The following PLPPR3 variants were observed in gnomAD, a reference collection of about 807,000 sequenced individuals.
The protein encoded by PLPPR3 is phospholipid phosphatase-related protein type 3.
A neutral mutation model predicts 27.3 loss-of-function variants in PLPPR3; 14 were observed. The observed-to-expected ratio is 0.51, with a 90% confidence interval of 0.34 to 0.80. PLPPR3 has a LOEUF of 0.80. Among genes scored for constraint, PLPPR3 ranks in the 30% least tolerant of loss-of-function variants. PLPPR3 has a pLI of 0.01. For synonymous variants in PLPPR3, 671 were observed against 508.0 expected (o/e 1.32, Z -4.32); for missense variants, 1,287 against 1,056.9 (o/e 1.22, Z -3.02).
At position 813,349 on chromosome 19, in the gene PLPPR3, C is replaced by T. The variant is rs1568283250; in HGVS notation, c.1378G>A (p.Asp460Asn). 4.7e-6 allele frequency: 7 copies of T among 1,477,532 alleles called. No homozygotes were observed. The highest frequency in any genetic ancestry group is 4.0e-5 in the South Asian group (3 of 75,436). The allele number at this position is 1,477,532 out of a possible 1,614,324, so 91.5% of individuals were successfully genotyped here. ...AGCGAGGGCGGGGCCGGGCCCTCGTCCTCCTCCTCTTCCTCCTCCTCCTCT... is the reference window on the plus strand; with the variant it reads ...AGCGAGGGCGGGGCCGGGCCCTCGTTCTCCTCCTCTTCCTCCTCCTCCTCT... ...EEEEEEEEEE[D>N]EGPAPPSLYP... Residue 460 changes from aspartate (D) to asparagine (N), a missense_variant, in exon 8 of 8, where the codon GAC (aspartate) becomes AAC (asparagine). Transcript: ENST00000520876. The surrounding 1 kb of genome is among the most constrained non-coding windows in gnomAD (Gnocchi z 4.1).
At position 814,470 on chromosome 19, in the gene PLPPR3, G is replaced by A. The variant is rs768818502; in HGVS notation, c.795C>T (p.Ala265=). The A allele has an allele frequency of 4.4e-6, 7 of 1,607,818 alleles. No individual in the cohort carries two copies. Among genetic ancestry groups the A allele is most frequent in the African/African-American group, 1.3e-5 (1 of 75,026 alleles). Residue 265 remains alanine, a synonymous_variant, in exon 7 of 8, where the codon GCC becomes GCT. Coordinates refer to ENST00000520876, the MANE Select transcript of PLPPR3 (RefSeq NM_001270366.2). ...CGATGCCCGCCCCGATGAGGAAGCCGGCATACACGTCCACAGGGTGGCTGC... is the reference window on the plus strand; with the variant it reads ...CGATGCCCGCCCCGATGAGGAAGCCAGCATACACGTCCACAGGGTGGCTGC... ...QYRSHPVDVY[A]GFLIGAGIAA...
chr19:813,883 C>A lies in PLPPR3; in HGVS notation c.844G>T (p.Val282Leu), dbSNP rs2034999867. The stretch of plus-strand genomic sequence containing the variant: ...GCAGGTGGGGCCTGGAAGTTGCCCA[C>A]CGCGTGGCAGGCCTGTCGGGGAGAG... ...GIAAYLACHA[V>L]GNFQAPPAEK... Residue 282 changes from valine to leucine, a missense_variant, in exon 8 of 8, where the codon GTG (valine) becomes TTG (leucine). Physicochemically the swap from Val to Leu is conservative, Grantham distance 32. Coordinates refer to ENST00000520876, the MANE Select transcript of PLPPR3 (RefSeq NM_001270366.2). The surrounding 1 kb of genome is among the most constrained non-coding windows in gnomAD (Gnocchi z 4.1). 1 of 1,436,362 alleles carries A rather than the reference C, an allele frequency of 7.0e-7. No individual in the cohort carries two copies. Among genetic ancestry groups the A allele is most frequent in the South Asian group, 1.5e-5 (1 of 68,572 alleles). 89.0% of individuals were successfully genotyped at this position (1,436,362 alleles called of 1,614,324 possible).
chr19:815,325 G>A lies in PLPPR3; in HGVS notation c.264C>T (p.Ile88=), dbSNP rs981530342. The change falls in exon 4 of 8, where the codon ATC becomes ATT. Residue 88 remains isoleucine, a splice_region_variant and synonymous_variant. Coordinates refer to ENST00000520876, the MANE Select transcript of PLPPR3 (RefSeq NM_001270366.2). The part of the protein sequence containing the change: ...SLAFAAPAAS[I]MVAEGMLYCL... ...AGTACAACATGCCCTCGGCCACCATGATCTGCCAACAGGGAGGGGGCGCTC... is the reference window on the plus strand; with the variant it reads ...AGTACAACATGCCCTCGGCCACCATAATCTGCCAACAGGGAGGGGGCGCTC... 6.5e-7 allele frequency: 1 copy of A among 1,540,690 alleles called. No homozygotes were observed. The highest frequency in any genetic ancestry group is 8.7e-7 in the Non-Finnish European group (1 of 1,143,686).
In PLPPR3 at chr19:813,929, G is replaced by C. The variant is rs1568284029; in HGVS notation, c.832-34C>G. ...GAGAGGGGTCTGGGGGTGAGGCCTGGGGCTCAGAGGGCTCCTCCCCTGTGA... is the reference window on the plus strand; with the variant it reads ...GAGAGGGGTCTGGGGGTGAGGCCTGCGGCTCAGAGGGCTCCTCCCCTGTGA... On this transcript the variant is annotated intron_variant, in intron 7 of 7. Coordinates refer to ENST00000520876, the MANE Select transcript of PLPPR3 (RefSeq NM_001270366.2). The surrounding 1 kb of genome is among the most constrained non-coding windows in gnomAD (Gnocchi z 4.1). 5 of 1,415,346 alleles carry C rather than the reference G, an allele frequency of 3.5e-6. No individual in the cohort carries two copies. The highest frequency in any genetic ancestry group is 4.6e-6 in the Non-Finnish European group (5 of 1,092,454). The allele number at this position is 1,415,346 out of a possible 1,614,324, so 87.7% of individuals were successfully genotyped here. A position where few individuals can be genotyped will look rare whatever the true frequency, so the allele number is the denominator to read the frequency against.
At chr19:818,029 G>A (rs898574620) in intron 2 of PLPPR3, among the ~76,000 whole-genome samples, 3 of 152,226 alleles carry the variant, frequency 2.0e-5, no homozygotes, top group African/African-American at 4.8e-5. Context: ...TTGCTGGGGC[G>A]GGCAGACAGC....
chr19:822,631 G>A (rs903938509), upstream of PLPPR3, among the ~76,000 whole-genome samples: 2 of 152,162 alleles, frequency 1.3e-5, no homozygotes, highest in African/African-American at 4.8e-5. Context: ...GGGGCTGGGG[G>A]CTGCGGGATG....
In PLPPR3 at chr19:812,875, C is replaced by G. The variant is rs1390846990; in HGVS notation, c.1852G>C (p.Gly618Arg). 8.4e-7 allele frequency: 1 copy of G among 1,192,694 alleles called. No individual in the cohort carries two copies. The highest frequency in any genetic ancestry group is 1.0e-6 in the Non-Finnish European group (1 of 958,872). 73.9% of individuals were successfully genotyped at this position (1,192,694 alleles called of 1,614,324 possible). A position where few individuals can be genotyped will look rare whatever the true frequency, so the allele number is the denominator to read the frequency against. Residue 618 changes from glycine (G) to arginine (R), a missense_variant, in exon 8 of 8, where the codon GGC becomes CGC. Transcript: ENST00000520876. ...GGGAKAEADG[G>R]YELGDLARGF... Reference sequence around the variant, plus strand: ...CGCGCCAGGTCCCCCAGCTCGTAGCCGCCGTCGGCCTCCGCCTTGGCCCCG... The same window carrying G: ...CGCGCCAGGTCCCCCAGCTCGTAGCGGCCGTCGGCCTCCGCCTTGGCCCCG...
At position 812,692 on chromosome 19, in the gene PLPPR3, G is replaced by T; in HGVS notation, c.2035C>A (p.Pro679Thr). The change falls in exon 8 of 8, where the codon CCG (proline) becomes ACG (threonine). Residue 679 changes from proline (P) to threonine (T), a missense_variant. Coordinates refer to ENST00000520876, the MANE Select transcript of PLPPR3 (RefSeq NM_001270366.2). Reference protein sequence around the residue: ...PLGAADGALGPGSRESTLRRH... With the variant: ...PLGAADGALGTGSRESTLRRH... ...CGCAGCGTGGACTCCCGGCTGCCCG[G>T]GCCCAGCGCCCCATCGGCCGCGCCC... 4.8e-6 allele frequency: 5 copies of T among 1,049,178 alleles called. No individual in the cohort carries two copies. Among genetic ancestry groups the T allele is most frequent in the Non-Finnish European group, 5.7e-6 (5 of 870,532 alleles). The allele number at this position is 1,049,178 out of a possible 1,614,324, so 65.0% of individuals were successfully genotyped here.
intron 2 of PLPPR3, among the ~76,000 whole-genome samples, chr19:818,190 C>G (rs1319049991): frequency 3.3e-5 from 5 of 152,086 alleles, no homozygotes; most frequent in Non-Finnish European, 5.9e-5. Context: ...TGAGACCAGC[C>G]TGGCCAACAT....
chr19:812,940 G>C lies in PLPPR3; in HGVS notation c.1787C>G (p.Ser596Trp). The part of the protein sequence containing the change: ...HAPHHPVVHL[S>W]AGGAPWEWKA... Reference sequence around the variant, plus strand: ...CCACTCCCAGGGCGCGCCGCCGGCCGACAGGTGCACCACGGGGTGGTGCGG... The same window carrying C: ...CCACTCCCAGGGCGCGCCGCCGGCCCACAGGTGCACCACGGGGTGGTGCGG... Residue 596 changes from serine to tryptophan, a missense_variant, in exon 8 of 8, where the codon TCG becomes TGG. Transcript: ENST00000520876. 1 of 1,372,036 alleles carries C rather than the reference G, an allele frequency of 7.3e-7. No homozygotes were observed. Among genetic ancestry groups the C allele is most frequent in the Non-Finnish European group, 9.4e-7 (1 of 1,063,104 alleles). 85.0% of individuals were successfully genotyped at this position (1,372,036 alleles called of 1,614,324 possible). A position where few individuals can be genotyped will look rare whatever the true frequency, so the allele number is the denominator to read the frequency against.
chr19:813,028 A>G lies in PLPPR3; in HGVS notation c.1699T>C (p.Ser567Pro). ...CGGTCCGACGGCGACCGGTACTGCG[A>G]GGAGTCGGAGCTGGCGCTGGACGAC... ...ASSSSASSDS[S>P]QYRSPSDRDS... The change falls in exon 8 of 8, where the codon TCG (serine) becomes CCG (proline). Residue 567 changes from serine (S) to proline (P), a missense_variant. Ser to Pro is a moderately conservative substitution (Grantham distance 74). Transcript: ENST00000520876. This position sits in a 1 kb window ranked among gnomAD's most constrained non-coding sequence, Gnocchi z 4.1. 1 of 1,519,700 alleles carries G rather than the reference A, an allele frequency of 6.6e-7. No homozygotes were observed. 94.1% of individuals were successfully genotyped at this position (1,519,700 alleles called of 1,614,324 possible).
chr19:815,468 G>A (rs1480089627), intron 3 of PLPPR3, 141 bp from the exon 4 acceptor site: 41 of 1,044,016 alleles, frequency 3.9e-5, no homozygotes, highest in Non-Finnish European at 5.0e-5. Flanking sequence ...GCTCCCAGCC[G>A]TGGTGCCCAC....
In PLPPR3 at chr19:812,984, C is replaced by T; in HGVS notation, c.1743G>A (p.Val581=). 1 of 1,506,218 alleles carries T rather than the reference C, an allele frequency of 6.6e-7. No homozygotes were observed. Among genetic ancestry groups the T allele is most frequent in the Non-Finnish European group, 8.8e-7 (1 of 1,134,612 alleles). The allele number at this position is 1,506,218 out of a possible 1,614,324, so 93.3% of individuals were successfully genotyped here. Residue 581 remains valine, a synonymous_variant, in exon 8 of 8, where the codon GTG becomes GTA. Coordinates refer to ENST00000520876, the MANE Select transcript of PLPPR3 (RefSeq NM_001270366.2). ...GGTGCGGCGCGTGCGCGTCGATGGT[C>T]ACGATGCTGGCGGAGTCGCGGTCCG... The part of the protein sequence containing the change: ...SPSDRDSASI[V]TIDAHAPHHP...
rs995261918 is a variant in PLPPR3, at chr19:813,612, G to A, written c.1115C>T (p.Thr372Ile). Residue 372 changes from threonine to isoleucine, a missense_variant, in exon 8 of 8, where the codon ACC (threonine) becomes ATC (isoleucine). By Grantham distance (89) the Thr-to-Ile change is moderately conservative. Coordinates refer to ENST00000520876, the MANE Select transcript of PLPPR3 (RefSeq NM_001270366.2). This position sits in a 1 kb window ranked among gnomAD's most constrained non-coding sequence, Gnocchi z 4.1. ...RSPMAKENMV[T>I]FSHTLPRASA... ...GGCCCTGGGCAGCGTGTGGCTGAAG[G>A]TCACCATGTTCTCCTTGGCCATGGG... is the stretch of plus-strand genomic sequence containing the variant. 6 of 1,545,742 alleles carry A rather than the reference G, an allele frequency of 3.9e-6. No individual in the cohort carries two copies. The highest frequency in any genetic ancestry group is 5.2e-6 in the Non-Finnish European group (6 of 1,146,786).
chr19:812,543 C>CG lies in PLPPR3; in HGVS notation c.*26_*27insC. 1.5e-6 allele frequency: 1 copy of CG among 681,142 alleles called. No individual in the cohort carries two copies. Among genetic ancestry groups the CG allele is most frequent in the Non-Finnish European group, 1.8e-6 (1 of 550,842 alleles). The allele number at this position is 681,142 out of a possible 1,614,324, so 42.2% of individuals were successfully genotyped here. A position where few individuals can be genotyped will look rare whatever the true frequency, so the allele number is the denominator to read the frequency against. ...GCGGCCGCCCGCGCCCTCGGCCCGC[C>CG]CCCCGCCCGCCCCCGGCCCCGCCGC... On this transcript the variant is annotated 3_prime_UTR_variant, in exon 8 of 8. Coordinates refer to ENST00000520876, the MANE Select transcript of PLPPR3 (RefSeq NM_001270366.2).
At chr19:822,247 C>G (rs954204485), upstream of PLPPR3, among the ~76,000 whole-genome samples, 2 of 151,322 alleles carry the variant, frequency 1.3e-5, no homozygotes, top group Non-Finnish European at 3.0e-5. Flanking sequence ...CCTCCCCTCC[C>G]GGGTGGCTGC....
intron 3 of PLPPR3, 72 bp from the exon 4 acceptor site, chr19:815,399 C>T: frequency 1.4e-6 from 2 of 1,462,020 alleles, no homozygotes; most frequent in Non-Finnish European, 1.8e-6. Context: ...CTCCCATCTG[C>T]AGTGCCCACA....
intron 5 of PLPPR3, 35 bp from the exon 6 acceptor site, chr19:814,784 TG>T: frequency 6.4e-7 from 1 of 1,558,916 alleles, no homozygotes. Flanking sequence ...CCCGCCCACC[TG>T]GGGACCCCAG....
At chr19:820,556 G>T (rs571936459) in intron 2 of PLPPR3, among the ~76,000 whole-genome samples, 1 of 150,534 alleles carries the variant, frequency 6.6e-6, no homozygotes, top group Non-Finnish European at 1.5e-5. Flanking sequence ...GCCTTGCTCT[G>T]TTGCCCAGGC....
Sources: allele counts gnomAD v4.1 joint callset (sites outside exome capture counted in the v4.1 genomes callset), GRCh38; gene constraint gnomAD v4.1.1; non-coding constraint Gnocchi (gnomAD v3.1); transcripts MANE v1.5; gene names NCBI Gene and HGNC (gene_info 2026-07-23, HGNC 2026-07-21).